Variants in SMAD9 observed in about 807,000 individuals in gnomAD.
SMAD9 encodes the protein SMAD family member 9.
A neutral mutation model predicts 46.1 loss-of-function variants in SMAD9; 36 were observed. The ratio of observed to expected loss-of-function variants is 0.78; its 90% CI spans 0.60 to 1.03. SMAD9 has a LOEUF of 1.03. Ranked by LOEUF, SMAD9 falls within the 50% of genes least tolerant of loss-of-function variation. The pLI is 0.00. For synonymous variants in SMAD9, 245 were observed against 237.1 expected, an observed-to-expected ratio of 1.03 and a Z score of -0.31; for missense variants, 572 against 599.8, an observed-to-expected ratio of 0.95 and a Z score of 0.48.
chr13:36,852,000 G>A, intron 6 of SMAD9: 1 of 981,562 alleles, frequency 1.0e-6, no homozygotes. Flanking sequence ...TTCAAATGAT[G>A]CCCTCTGCCG....
chr13:36,848,233 A>C lies in SMAD9; in HGVS notation c.*443T>G. ...AACAGCACTAAAAGTGACATCATTT[A>C]AACTGTAGGGGTTTCACTGCTTTGT... is the stretch of plus-strand genomic sequence containing the variant. On this transcript the variant is annotated 3_prime_UTR_variant, in exon 7 of 7. Transcript: ENST00000379826. The C allele has an allele frequency of 6.1e-6, 1 of 164,708 alleles. No homozygotes were observed. Among genetic ancestry groups the C allele is most frequent in the Non-Finnish European group, 1.3e-5 (1 of 75,110 alleles). The allele number at this position is 164,708 out of a possible 1,614,324, so 10.2% of individuals were successfully genotyped here. A position where few individuals can be genotyped will look rare whatever the true frequency, so the allele number is the denominator to read the frequency against.
chr13:36,883,418 G>T (rs1387560697), intron 1 of SMAD9, among the ~76,000 whole-genome samples: 1 of 152,168 alleles, frequency 6.6e-6, no homozygotes, highest in Non-Finnish European at 1.5e-5. Context: ...GAGGATAACT[G>T]GGCTGCACTT....
Position 36,879,440 on chromosome 13 carries a change from G to A in SMAD9, c.250C>T (p.Arg84Cys), listed in dbSNP as rs769199234. ...TAAATCACATGGGGCAGGCCCTTGC[G>A]GTGGGACACCTGCAGCCGCCCGTCC... ...SLDGRLQVSH[R>C]KGLPHVIYCR... Residue 84 changes from arginine (R) to cysteine (C), a missense_variant, in exon 2 of 7, where the codon CGC becomes TGC. Coordinates refer to ENST00000379826, the MANE Select transcript of SMAD9 (RefSeq NM_001127217.3). 3.1e-6 allele frequency: 5 copies of A among 1,613,626 alleles called. No homozygotes were observed. The highest frequency in any genetic ancestry group is 2.2e-5 in the South Asian group (2 of 91,088).
chr13:36,860,855 C>T (rs1014244602), intron 5 of SMAD9, among the ~76,000 whole-genome samples: 6 of 151,964 alleles, frequency 3.9e-5, no homozygotes, highest in African/African-American at 1.5e-4. Context: ...AAGTGGTCTG[C>T]CTAGTTTCTA....
chr13:36,889,203 A>C (rs1217656340), intron 1 of SMAD9, among the ~76,000 whole-genome samples: 1 of 152,172 alleles, frequency 6.6e-6, no homozygotes, highest in African/African-American at 2.4e-5. Context: ...GCAGTATAAT[A>C]TGATTAGTGT....
chr13:36,891,667 G>A (rs757330290), intron 1 of SMAD9, among the ~76,000 whole-genome samples: 5 of 152,124 alleles, frequency 3.3e-5, no homozygotes, highest in African/African-American at 7.2e-5. Context: ...ACAGCTTCCC[G>A]GTTCCCTAGG....
intron 1 of SMAD9, among the ~76,000 whole-genome samples, chr13:36,890,695 T>G (rs2058482461): frequency 6.6e-6 from 1 of 152,154 alleles, no homozygotes; most frequent in South Asian, 2.1e-4. Flanking sequence ...CAGGAGAGTC[T>G]GGATGCCCTT....
chr13:36,919,846 C>G (rs1009297727), intron 1 of SMAD9, among the ~76,000 whole-genome samples: 17 of 150,760 alleles, frequency 1.1e-4, no homozygotes, highest in Non-Finnish European at 2.2e-4. Flanking sequence ...CCACTCCACC[C>G]CAGACAGGCT....
chr13:36,883,084 G>T lies in SMAD9; in HGVS notation c.-186-3209C>A, dbSNP rs577308022. ...AGGGCCTCCCTGTTTGTCTCCAGGTGGTCATCGCCCTGACATTAACAGTGT... is the reference window on the plus strand; with the variant it reads ...AGGGCCTCCCTGTTTGTCTCCAGGTTGTCATCGCCCTGACATTAACAGTGT... On this transcript the variant is annotated intron_variant, in intron 1 of 6. Coordinates refer to ENST00000379826, the MANE Select transcript of SMAD9 (RefSeq NM_001127217.3). Among the ~76,000 whole-genome samples the T allele has an allele frequency of 2.6e-5, 4 of 152,306 alleles. No homozygotes were observed. In the South Asian group the frequency reaches 8.3e-4, roughly 32 times the overall value.
intron 2 of SMAD9, among the ~76,000 whole-genome samples, chr13:36,877,892 G>C (rs982822461): frequency 6.6e-6 from 1 of 152,150 alleles, no homozygotes; most frequent in Non-Finnish European, 1.5e-5. Context: ...AAGGTTAAGT[G>C]AACCTGCCTA....
intron 1 of SMAD9, among the ~76,000 whole-genome samples, chr13:36,894,673 T>C (rs2058514057): frequency 6.6e-6 from 1 of 152,112 alleles, no homozygotes; most frequent in Non-Finnish European, 1.5e-5. Context: ...TTAGGTCCAG[T>C]CACCTCCATG....
intron 1 of SMAD9, among the ~76,000 whole-genome samples, chr13:36,912,506 T>A (rs1593631121): frequency 6.6e-6 from 1 of 151,874 alleles, no homozygotes; most frequent in African/African-American, 2.4e-5. Context: ...ACTAGAAGAG[T>A]GTATTCAAAG....
chr13:36,853,669 T>C lies in SMAD9; in HGVS notation c.1010A>G (p.His337Arg). 6.2e-7 allele frequency: 1 copy of C among 1,614,056 alleles called. No individual in the cohort carries two copies. Residue 337 changes from histidine (H) to arginine (R), a missense_variant, in exon 6 of 7, where the codon CAC becomes CGC. Physicochemically the swap from His to Arg is conservative, Grantham distance 29. Transcript: ENST00000379826. ...CACCTCTCCCCCGACGTAGTACAAG[T>C]GCACACCTGCAGACACAAAAACACA... ...NTRRHIGKGVHLYYVGGEVYA... is the reference protein window; with the variant it reads ...NTRRHIGKGVRLYYVGGEVYA...
chr13:36,869,604 G>A (rs1018793743), intron 3 of SMAD9, among the ~76,000 whole-genome samples: 10 of 152,074 alleles, frequency 6.6e-5, no homozygotes, highest in African/African-American at 2.4e-4. Context: ...AGGCCGAGGC[G>A]GGTGGATCAC....
chr13:36,913,550 C>A (rs1446469099), intron 1 of SMAD9, among the ~76,000 whole-genome samples: 1 of 152,152 alleles, frequency 6.6e-6, no homozygotes, highest in Non-Finnish European at 1.5e-5. Flanking sequence ...TTTAGAATAT[C>A]TTGTAATAAA....
chr13:36,845,293 A>C lies in SMAD9; in HGVS notation c.*3383T>G, dbSNP rs1485411616. On this transcript the variant is annotated 3_prime_UTR_variant, in exon 7 of 7. Transcript: ENST00000379826. ...ATTCTAAATGCTAGATGGTTGGCTAACTTCTCCTGATTTATACTGAGTGTA... is the reference window on the plus strand; with the variant it reads ...ATTCTAAATGCTAGATGGTTGGCTACCTTCTCCTGATTTATACTGAGTGTA... 4 of 152,054 alleles carry C rather than the reference A, an allele frequency of 2.6e-5. No homozygotes were observed. The highest frequency in any genetic ancestry group is 5.9e-5 in the Non-Finnish European group (4 of 68,048). 9.4% of individuals were successfully genotyped at this position (152,054 alleles called of 1,614,324 possible).
At chr13:36,856,798 CTTTTTTT>C (rs34107763) in intron 5 of SMAD9, among the ~76,000 whole-genome samples, 1 of 123,432 alleles carries the variant, frequency 8.1e-6, no homozygotes. Flanking sequence ...GTGACCTGCA[CTTTTTTT>C]TTTTTTTTTT....
At chr13:36,902,377 T>C (rs2058583402) in intron 1 of SMAD9, among the ~76,000 whole-genome samples, 1 of 152,200 alleles carries the variant, frequency 6.6e-6, no homozygotes, top group African/African-American at 2.4e-5. Context: ...TATTCTTACA[T>C]CAATACCACA....
intron 3 of SMAD9, among the ~76,000 whole-genome samples, chr13:36,871,594 A>T (rs1225608607): frequency 6.6e-6 from 1 of 152,252 alleles, no homozygotes; most frequent in Non-Finnish European, 1.5e-5. Flanking sequence ...CTGATGAGCA[A>T]CCACTGCATT....
Sources: gnomAD v4.1 joint callset for allele counts (sites outside exome capture counted in the v4.1 genomes callset) on GRCh38, gnomAD v4.1.1 for gene constraint, MANE v1.5 for transcripts, NCBI Gene and HGNC (gene_info 2026-07-23, HGNC 2026-07-21) for gene names.